The following CNOT2 variants were observed in gnomAD, a reference collection of about 807,000 sequenced individuals.
The protein encoded by CNOT2 is CCR4-NOT transcription complex subunit 2, also known as CC chemokine receptor 4-negative regulator of transcription 2.
In CNOT2, 7 loss-of-function variants were observed where a neutral mutation model predicts 72.1. The ratio of observed to expected loss-of-function variants is 0.10; its 90% CI spans 0.06 to 0.18. CNOT2 has a LOEUF of 0.18. Among genes scored for constraint, CNOT2 ranks in the 10% least tolerant of loss-of-function variants. The probability of loss-of-function intolerance (pLI) is 1.00; values close to 1 mark genes in which losing one functional copy is unlikely to be tolerated. For synonymous variants in CNOT2, 196 were observed against 225.6 expected (o/e 0.87, Z 1.17); for missense variants, 345 against 660.3 (o/e 0.52, Z 5.23).
At chr12:70,311,760 T>C (rs1428243455) in intron 3 of CNOT2, among the ~76,000 whole-genome samples, 1 of 151,894 alleles carries the variant, frequency 6.6e-6, no homozygotes, top group Non-Finnish European at 1.5e-5. Flanking sequence ...CTGCCCAGCT[T>C]TTTTTACCTT....
chr12:70,353,075 C>CTTT (rs372881091), intron 15 of CNOT2, among the ~76,000 whole-genome samples: 1 of 135,512 alleles, frequency 7.4e-6, no homozygotes, highest in Admixed American at 7.3e-5. Flanking sequence ...ATGTGTTTTC[C>CTTT]TTTTTTTTTT....
At chr12:70,296,765 C>A (rs996232279) in intron 2 of CNOT2, among the ~76,000 whole-genome samples, 4 of 148,740 alleles carry the variant, frequency 2.7e-5, no homozygotes, top group South Asian at 2.2e-4. Context: ...AAGCCCCCCC[C>A]CCTTTTTAAA....
At chr12:70,343,470 C>T (rs1489690426) in intron 13 of CNOT2, among the ~76,000 whole-genome samples, 1 of 152,180 alleles carries the variant, frequency 6.6e-6, no homozygotes, top group Non-Finnish European at 1.5e-5. Flanking sequence ...AATCATCTTT[C>T]AGACATCTAT....
intron 3 of CNOT2, among the ~76,000 whole-genome samples, chr12:70,311,350 A>G (rs892197311): frequency 1.8e-4 from 28 of 152,136 alleles, no homozygotes; most frequent in African/African-American, 6.7e-4. Context: ...TGATATTAAA[A>G]CAAATGCAGA....
chr12:70,301,701 C>T (rs566594199), intron 2 of CNOT2: 8 of 152,212 alleles, frequency 5.3e-5, no homozygotes, highest in African/African-American at 1.9e-4. Flanking sequence ...TGTGTCTCTG[C>T]CAGGCTTTGG....
At chr12:70,265,336 T>TCTTCTC (rs1276713770) in intron 1 of CNOT2, among the ~76,000 whole-genome samples, 8 of 143,288 alleles carry the variant, frequency 5.6e-5, no homozygotes, top group Non-Finnish European at 9.4e-5. Context: ...TTTCTTTCTT[T>TCTTCTC]TTTCTTTCTT....
intron 1 of CNOT2, among the ~76,000 whole-genome samples, chr12:70,262,203 T>C (rs1958803277): frequency 6.6e-6 from 1 of 152,208 alleles, no homozygotes; most frequent in Admixed American, 6.5e-5. Context: ...AGTTCACTTA[T>C]ATCGGCTCTC....
chr12:70,328,568 G>C (rs556315061), intron 4 of CNOT2, among the ~76,000 whole-genome samples: 1 of 151,880 alleles, frequency 6.6e-6, no homozygotes, highest in Non-Finnish European at 1.5e-5. Flanking sequence ...AACGTATGCT[G>C]TCTATGATAA....
intron 15 of CNOT2, 105 bp from the exon 16 acceptor site, chr12:70,353,724 A>C: frequency 6.4e-6 from 9 of 1,399,394 alleles, no homozygotes; most frequent in South Asian, 3.9e-5. Flanking sequence ...GTTGATGTTG[A>C]TTCATATATA....
At chr12:70,285,272 T>C (rs1972793) in intron 2 of CNOT2, 21,805 of 151,868 alleles carry the variant, frequency 0.14, 1,900 homozygotes, top group Admixed American at 0.28. Flanking sequence ...TGCAGTGGCC[T>C]GATCTCGGCT....
At chr12:70,259,729 C>T (rs1958655209) in intron 1 of CNOT2, among the ~76,000 whole-genome samples, 2 of 152,118 alleles carry the variant, frequency 1.3e-5, no homozygotes, top group Admixed American at 1.3e-4. Context: ...CTAACTGGTG[C>T]CTGAAACGTT....
At chr12:70,243,531 G>A (rs1374027753) in intron 1 of CNOT2, 51 bp downstream of exon 1, 1 of 152,536 alleles carries the variant, frequency 6.6e-6, no homozygotes, top group East Asian at 1.9e-4. Flanking sequence ...GCGCGGCGGG[G>A]GCGGCAGATT....
intron 1 of CNOT2, among the ~76,000 whole-genome samples, chr12:70,253,379 G>A (rs1179117457): frequency 6.6e-6 from 1 of 152,152 alleles, no homozygotes; most frequent in Non-Finnish European, 1.5e-5. Context: ...GGTATTTACT[G>A]TTGTTGGTTC....
intron 2 of CNOT2, chr12:70,297,958 A>G: frequency 5.9e-6 from 1 of 170,502 alleles, no homozygotes; most frequent in Non-Finnish European, 1.3e-5. Context: ...GCTGCTCTTG[A>G]ATTCCTGACC....
At chr12:70,288,122 A>G (rs1408149116) in intron 2 of CNOT2, among the ~76,000 whole-genome samples, 1 of 141,572 alleles carries the variant, frequency 7.1e-6, no homozygotes, top group Non-Finnish European at 1.5e-5. Flanking sequence ...GGTTATTACA[A>G]TTATGGTGTA....
chr12:70,255,719 C>T (rs1376790510), intron 1 of CNOT2, among the ~76,000 whole-genome samples: 1 of 152,112 alleles, frequency 6.6e-6, no homozygotes, highest in East Asian at 1.9e-4. Context: ...CTTCTAAAAA[C>T]ATATACTGAA....
chr12:70,302,318 T>C (rs1874179837), intron 2 of CNOT2, among the ~76,000 whole-genome samples: 1 of 151,902 alleles, frequency 6.6e-6, no homozygotes, highest in Non-Finnish European at 1.5e-5. Flanking sequence ...AGGGTGTCAA[T>C]TTTAGATCTT....
At chr12:70,346,429 C>T (rs1265892734) in intron 15 of CNOT2, 105 bp downstream of exon 15, 2 of 858,514 alleles carry the variant, frequency 2.3e-6, no homozygotes, top group African/African-American at 3.4e-5. Flanking sequence ...AGTAATGTGC[C>T]ACATATTTGC....
chr12:70,299,545 A>G (rs1228570201), intron 2 of CNOT2, among the ~76,000 whole-genome samples: 1 of 152,110 alleles, frequency 6.6e-6, no homozygotes, highest in Non-Finnish European at 1.5e-5. Flanking sequence ...CCTACAAAGG[A>G]CATGAACTCA....
Sources: allele counts gnomAD v4.1 joint callset (sites outside exome capture counted in the v4.1 genomes callset), GRCh38; gene constraint gnomAD v4.1.1; transcripts MANE v1.5; gene names NCBI Gene and HGNC (gene_info 2026-07-23, HGNC 2026-07-21).